RFX8: variants seen among roughly 807,000 people sequenced by gnomAD.
The protein encoded by RFX8 is DNA-binding protein RFX8.
A neutral mutation model predicts 54.6 loss-of-function variants in RFX8; 46 were observed. That is an observed-to-expected ratio of 0.84 (90% CI 0.67 to 1.08). RFX8 has a LOEUF of 1.08. Among genes scored for constraint, RFX8 ranks in the 50% least tolerant of loss-of-function variants. The pLI, the probability that RFX8 is intolerant of heterozygous loss-of-function variation, is 0.00. For synonymous variants in RFX8, 192 were observed against 209.5 expected (o/e 0.92, Z 0.72); for missense variants, 536 against 562.3 (o/e 0.95, Z 0.47).
chr2:101,474,444 C>T (rs1178413709), intron 1 of RFX8, 192 bp downstream of exon 1: 1 of 360,410 alleles, frequency 2.8e-6, no homozygotes, highest in Non-Finnish European at 4.9e-6. Context: ...GGCCCGAGCC[C>T]GGGGGCGCGG....
intron 1 of RFX8, chr2:101,474,063 T>G (rs1690160657): frequency 1.3e-5 from 6 of 473,140 alleles, no homozygotes; most frequent in Non-Finnish European, 2.2e-5. Context: ...CGGGCGAGCA[T>G]CAGAAAGCGC....
At chr2:101,439,655 G>A (rs1687981854) in intron 2 of RFX8, among the ~76,000 whole-genome samples, 1 of 148,620 alleles carries the variant, frequency 6.7e-6, no homozygotes, top group Admixed American at 6.7e-5. Context: ...TTGAAAAGCA[G>A]CCCCTTTCAT....
intron 2 of RFX8, among the ~76,000 whole-genome samples, chr2:101,446,648 T>C (rs750427940): frequency 5.3e-5 from 8 of 152,158 alleles, no homozygotes; most frequent in Non-Finnish European, 5.9e-5. Flanking sequence ...AGGACACTCC[T>C]AGCCCCTCTC....
intron 7 of RFX8, 94 bp from the exon 8 acceptor site, chr2:101,413,165 G>A: frequency 2.0e-6 from 2 of 998,428 alleles, no homozygotes; most frequent in South Asian, 3.0e-5. Flanking sequence ...TTGTTGTGGG[G>A]GAGAAAGAAA....
intron 8 of RFX8, among the ~76,000 whole-genome samples, chr2:101,411,785 G>C (rs1175583668): frequency 1.3e-5 from 2 of 152,152 alleles, no homozygotes; most frequent in South Asian, 2.1e-4. Flanking sequence ...CAGTAGAGGG[G>C]AGCAGAGGTC....
rs1196652980 is a variant in RFX8 at position 101,422,429 on chromosome 2, G to A, written c.116C>T (p.Pro39Leu). 1 of 1,550,398 alleles carries A rather than the reference G, an allele frequency of 6.4e-7. No homozygotes were observed. Among genetic ancestry groups the A allele is most frequent in the East Asian group, 2.4e-5 (1 of 40,924 alleles). ...TGGACATCTCCTGAATTCAGACAAA[G>A]GGGATCCAACTGGGTCTGTCTTCAT... ...SPMKTDPVGS[P>L]LSEFRRCPFL... Residue 39 changes from proline (P) to leucine (L), a missense_variant, in exon 3 of 12, where the codon CCT becomes CTT. Coordinates refer to ENST00000428343, the MANE Select transcript of RFX8 (RefSeq NM_001145664.2).
rs145315326 is a variant in RFX8, at chr2:101,442,399, T to G, written c.73-19927A>C. ...TTCCTTTCTCTTTGAAAAACTTTCT[T>G]TAGCTGATCTCTAAGGGTGAGTCAG... On this transcript the variant is annotated intron_variant, in intron 2 of 11. Coordinates refer to ENST00000428343, the MANE Select transcript of RFX8 (RefSeq NM_001145664.2). 8.5e-3 allele frequency among the ~76,000 whole-genome samples: 1,292 copies of G among 152,342 alleles called. 26 individuals are homozygous for G. Among genetic ancestry groups the G allele is most frequent in the African/African-American group, 0.029 (1,210 of 41,574 alleles).
chr2:101,454,634 T>C (rs1688869052), intron 2 of RFX8, among the ~76,000 whole-genome samples: 1 of 152,222 alleles, frequency 6.6e-6, no homozygotes, highest in Non-Finnish European at 1.5e-5. Flanking sequence ...GATTTGCATT[T>C]CTCTGATAAC....
intron 2 of RFX8, among the ~76,000 whole-genome samples, chr2:101,465,437 G>C (rs1205714045): frequency 6.6e-6 from 1 of 152,208 alleles, no homozygotes; most frequent in Non-Finnish European, 1.5e-5. Flanking sequence ...TTGAACTCGG[G>C]AGGCGGAGGT....
intron 2 of RFX8, chr2:101,452,453 G>C: frequency 3.8e-6 from 5 of 1,316,228 alleles, no homozygotes; most frequent in Non-Finnish European, 3.9e-6. Flanking sequence ...CAAGCTAAAA[G>C]AATAAGCCAG....
intron 11 of RFX8, 23 bp from the exon 12 acceptor site, chr2:101,397,747 G>A: frequency 1.3e-6 from 2 of 1,530,674 alleles, no homozygotes; most frequent in Non-Finnish European, 1.8e-6. Flanking sequence ...AATGTTTTAA[G>A]GGAAAAGATA....
At chr2:101,467,940 C>T (rs1161713748) in intron 1 of RFX8, among the ~76,000 whole-genome samples, 1 of 152,102 alleles carries the variant, frequency 6.6e-6, no homozygotes, top group Non-Finnish European at 1.5e-5. Flanking sequence ...AGAGACTTTA[C>T]AGACAATACG....
chr2:101,410,758 A>T, intron 8 of RFX8, 45 bp from the exon 9 acceptor site: 1 of 1,014,178 alleles, frequency 9.9e-7, no homozygotes, highest in Non-Finnish European at 1.5e-6. Flanking sequence ...CATGCAGCAG[A>T]GCAGAATTTC....
At position 101,402,526 on chromosome 2, in the gene RFX8, T is replaced by C. The variant is rs1271714476; in HGVS notation, c.1155A>G (p.Thr385=). The change falls in exon 11 of 12, where the codon ACA becomes ACG. Residue 385 remains threonine, a synonymous_variant. Coordinates refer to ENST00000428343, the MANE Select transcript of RFX8 (RefSeq NM_001145664.2). The part of the protein sequence containing the change: ...PSMEPLGVMP[T]HMGQGRYPVG... ...CGGGATATCGGCCCTGGCCCATGTG[T>C]GTGGGCATCACCCCCAGTGGCTCCA... 5.3e-5 allele frequency: 82 copies of C among 1,551,680 alleles called. No homozygotes were observed. The highest frequency in any genetic ancestry group is 6.9e-5 in the Non-Finnish European group (79 of 1,147,016).
intron 2 of RFX8, among the ~76,000 whole-genome samples, chr2:101,442,874 C>T (rs1008144283): frequency 2.0e-5 from 3 of 151,872 alleles, no homozygotes; most frequent in South Asian, 2.1e-4. Flanking sequence ...CTCTGGGGAG[C>T]GGAAGAGTGT....
At chr2:101,449,166 A>T (rs1293551503) in intron 2 of RFX8, among the ~76,000 whole-genome samples, 1 of 105,952 alleles carries the variant, frequency 9.4e-6, no homozygotes, top group African/African-American at 3.2e-5. Flanking sequence ...ATTATGGTTG[A>T]TATTGGGGAG....
intron 2 of RFX8, among the ~76,000 whole-genome samples, chr2:101,439,976 G>A (rs1184650727): frequency 6.6e-6 from 1 of 152,148 alleles, no homozygotes; most frequent in Non-Finnish European, 1.5e-5. Flanking sequence ...TATACAGTGA[G>A]CCTTAATATA....
chr2:101,435,298 C>T (rs1377617015), intron 2 of RFX8, among the ~76,000 whole-genome samples: 1 of 152,140 alleles, frequency 6.6e-6, no homozygotes, highest in Non-Finnish European at 1.5e-5. Flanking sequence ...AAAGCTGACA[C>T]GGTGAGAGAG....
intron 2 of RFX8, among the ~76,000 whole-genome samples, chr2:101,425,706 G>A (rs1159125703): frequency 1.3e-5 from 2 of 152,144 alleles, no homozygotes; most frequent in Admixed American, 6.5e-5. Flanking sequence ...ACTGTGAAAA[G>A]AATTGTTCTT....
Sources: allele counts gnomAD v4.1 joint callset (sites outside exome capture counted in the v4.1 genomes callset), GRCh38; gene constraint gnomAD v4.1.1; transcripts MANE v1.5; gene names NCBI Gene and HGNC (gene_info 2026-07-23, HGNC 2026-07-21).